The following IMMP2L variants were observed in gnomAD, a reference collection of about 807,000 sequenced individuals.
IMMP2L encodes the protein inner mitochondrial membrane peptidase subunit 2.
Under a neutral mutation model 19.3 loss-of-function variants are expected in IMMP2L, and 18 were observed. The ratio of observed to expected loss-of-function variants is 0.93; its 90% confidence interval spans 0.64 to 1.38. The LOEUF (loss-of-function observed/expected upper bound fraction) is 1.38. Among genes scored for constraint, IMMP2L ranks in the 40% most tolerant of loss-of-function variants. The probability of loss-of-function intolerance (pLI) is 0.00; values close to 1 mark genes in which losing one functional copy is unlikely to be tolerated. For synonymous variants in IMMP2L, 76 were observed against 73.0 expected (o/e 1.04, Z -0.21); for missense variants, 233 against 218.2 (o/e 1.07, Z -0.43).
At chr7:111,402,997 C>A (rs541901050) in intron 3 of IMMP2L, among the ~76,000 whole-genome samples, 11 of 96,544 alleles carry the variant, frequency 1.1e-4, no homozygotes, top group East Asian at 3.6e-4. Context: ...CTTGACCCCC[C>A]CCCCCCACCC....
intron 3 of IMMP2L, among the ~76,000 whole-genome samples, chr7:111,216,192 T>C (rs1161681603): frequency 1.3e-5 from 2 of 152,128 alleles, no homozygotes; most frequent in Non-Finnish European, 2.9e-5. Context: ...TCACTTTCCT[T>C]TGAGGAGGTC....
chr7:111,549,701 A>T (rs1849264057), intron 1 of IMMP2L, among the ~76,000 whole-genome samples: 1 of 152,098 alleles, frequency 6.6e-6, no homozygotes, highest in Non-Finnish European at 1.5e-5. Flanking sequence ...GCACTTTGGG[A>T]GGCCAAGGCA....
intron 5 of IMMP2L, among the ~76,000 whole-genome samples, chr7:110,706,681 A>C (rs1794705651): frequency 6.6e-6 from 1 of 152,018 alleles, no homozygotes. Flanking sequence ...TCTTTTGCCC[A>C]CTTTTTAATG....
At chr7:110,849,594 T>C (rs1271262546) in intron 5 of IMMP2L, among the ~76,000 whole-genome samples, 1 of 151,986 alleles carries the variant, frequency 6.6e-6, no homozygotes, top group African/African-American at 2.4e-5. Flanking sequence ...AAAATGTAAA[T>C]TAAAATAATG....
intron 3 of IMMP2L, among the ~76,000 whole-genome samples, chr7:111,404,601 G>T (rs116140485): frequency 0.011 from 1,603 of 152,154 alleles, 32 homozygotes; most frequent in African/African-American, 0.035. Flanking sequence ...CAGGTAGAAA[G>T]AAAGTCTATA....
intron 3 of IMMP2L, among the ~76,000 whole-genome samples, chr7:110,964,649 A>T (rs1819344325): frequency 6.6e-6 from 1 of 152,024 alleles, no homozygotes; most frequent in Non-Finnish European, 1.5e-5. Flanking sequence ...TCCTTTCCAG[A>T]CTGTGATAGG....
Position 111,414,439 on chromosome 7 carries a change from T to A in IMMP2L, c.239+72799A>T, listed in dbSNP as rs1437591303. ...TATGAAAAAGCTACATATTGTATGA[T>A]CCCAATTAAATGACATTCTAAAAAA... is the stretch of plus-strand genomic sequence containing the variant. On this transcript the variant is annotated intron_variant, in intron 3 of 5. Coordinates refer to ENST00000405709, the MANE Select transcript of IMMP2L (RefSeq NM_032549.4). Among the ~76,000 whole-genome samples, 11 of 151,880 alleles carry A rather than the reference T, an allele frequency of 7.2e-5. 1 individual carries two copies. Among genetic ancestry groups the A allele is most frequent in the African/African-American group, 2.7e-4 (11 of 41,178 alleles).
chr7:111,100,310 T>C (rs1797834433), intron 3 of IMMP2L, among the ~76,000 whole-genome samples: 1 of 151,024 alleles, frequency 6.6e-6, no homozygotes, highest in Non-Finnish European at 1.5e-5. Flanking sequence ...TAGAGAAGCA[T>C]TTGACTTTTT....
chr7:111,492,121 G>C (rs898305761), intron 2 of IMMP2L, among the ~76,000 whole-genome samples: 2 of 151,588 alleles, frequency 1.3e-5, no homozygotes, highest in Non-Finnish European at 2.9e-5. Flanking sequence ...GAGTCTATAA[G>C]CTCTTTTTTT....
Position 111,451,495 on chromosome 7 carries a change from A to G in IMMP2L, c.239+35743T>C, listed in dbSNP as rs1375633191. Among the ~76,000 whole-genome samples, 4 of 141,822 alleles carry G rather than the reference A, an allele frequency of 2.8e-5. No individual in the cohort carries two copies. The South Asian group carries it at 9.0e-4, about 32-fold the overall frequency. The allele number at this position is 141,822 out of a possible 152,430, so 93.0% of individuals were successfully genotyped here. A position where few individuals can be genotyped will look rare whatever the true frequency, so the allele number is the denominator to read the frequency against. ...CCAAACACTGCATATTCTCACTCAT[A>G]GGTGGGAATTGAACAATGAGATCAC... On this transcript the variant is annotated intron_variant, in intron 3 of 5. Coordinates refer to ENST00000405709, the MANE Select transcript of IMMP2L (RefSeq NM_032549.4).
chr7:111,276,472 GGAA>G (rs1819068465), intron 3 of IMMP2L, among the ~76,000 whole-genome samples: 1 of 151,968 alleles, frequency 6.6e-6, no homozygotes, highest in Admixed American at 6.6e-5. Context: ...GAGTAAGTTA[GGAA>G]GAATTCCCTC....
rs561178128 is a variant in IMMP2L, at chr7:111,253,713, A to G, written c.239+233525T>C. On this transcript the variant is annotated intron_variant, in intron 3 of 5. Transcript: ENST00000405709. ...TTTGCTACCAAATCACAAAATATGTATCAATATGTGTTAAGGCTCTCAAAG... is the reference window on the plus strand; with the variant it reads ...TTTGCTACCAAATCACAAAATATGTGTCAATATGTGTTAAGGCTCTCAAAG... 5.9e-5 allele frequency among the ~76,000 whole-genome samples: 9 copies of G among 152,298 alleles called. No homozygotes were observed. The East Asian group carries it at 1.7e-3, about 29-fold the overall frequency.
chr7:110,799,784 T>C (rs1022432682), intron 5 of IMMP2L, among the ~76,000 whole-genome samples: 1 of 152,060 alleles, frequency 6.6e-6, no homozygotes, highest in Non-Finnish European at 1.5e-5. Flanking sequence ...AGATGGGTGA[T>C]TCACTGGCAA....
intron 3 of IMMP2L, among the ~76,000 whole-genome samples, chr7:111,221,532 C>T (rs1011007061): frequency 4.6e-5 from 7 of 151,766 alleles, no homozygotes; most frequent in African/African-American, 1.2e-4. Flanking sequence ...AGAGAGATAA[C>T]GTGAGCCTAT....
intron 3 of IMMP2L, among the ~76,000 whole-genome samples, chr7:111,144,021 T>A (rs1803211394): frequency 6.6e-6 from 1 of 152,158 alleles, no homozygotes; most frequent in African/African-American, 2.4e-5. Flanking sequence ...ACTGCAACAT[T>A]GTCAAATAAA....
chr7:110,914,619 C>T (rs1024106893), intron 4 of IMMP2L, among the ~76,000 whole-genome samples: 2 of 152,136 alleles, frequency 1.3e-5, no homozygotes, highest in African/African-American at 4.8e-5. Flanking sequence ...TCTACCCAAG[C>T]TTTACCATAA....
intron 3 of IMMP2L, among the ~76,000 whole-genome samples, chr7:111,404,493 C>T (rs1266279352): frequency 6.6e-6 from 1 of 152,120 alleles, no homozygotes; most frequent in Admixed American, 6.5e-5. Context: ...ACTCTCAAGA[C>T]TTTTAAATGC....
chr7:111,048,138 G>A (rs1792595807), intron 3 of IMMP2L, among the ~76,000 whole-genome samples: 1 of 148,862 alleles, frequency 6.7e-6, no homozygotes, highest in Admixed American at 6.8e-5. Context: ...TACTTGGGAG[G>A]CTGAGGCAGG....
intron 3 of IMMP2L, among the ~76,000 whole-genome samples, chr7:110,971,939 T>C (rs1311709909): frequency 6.6e-6 from 1 of 152,080 alleles, no homozygotes; most frequent in Non-Finnish European, 1.5e-5. Flanking sequence ...TCAATGATAC[T>C]ATTGTAATTT....
Sources: gnomAD v4.1 joint callset for allele counts (sites outside exome capture counted in the v4.1 genomes callset) on GRCh38, gnomAD v4.1.1 for gene constraint, MANE v1.5 for transcripts, NCBI Gene and HGNC (gene_info 2026-07-23, HGNC 2026-07-21) for gene names.